The following VASP variants were observed in gnomAD, a reference collection of about 807,000 sequenced individuals.
VASP encodes the protein vasodilator-stimulated phosphoprotein.
In VASP, 27 loss-of-function variants were observed where a neutral mutation model predicts 54.4. That is an observed-to-expected ratio of 0.50 (90% CI 0.37 to 0.68). The LOEUF (loss-of-function observed/expected upper bound fraction) is 0.68. Ranked by LOEUF, VASP falls within the 30% of genes least tolerant of loss-of-function variation. VASP has a pLI of 0.00. For synonymous variants in VASP, 233 were observed against 209.8 expected, an observed-to-expected ratio of 1.11 and a Z score of -0.96; for missense variants, 488 against 528.3, an observed-to-expected ratio of 0.92 and a Z score of 0.75.
chr19:45,517,853 C>A lies in VASP; in HGVS notation c.177+19C>A. 1 of 1,611,420 alleles carries A rather than the reference C, an allele frequency of 6.2e-7. No individual in the cohort carries two copies. The highest frequency in any genetic ancestry group is 8.5e-7 in the Non-Finnish European group (1 of 1,179,226). The stretch of plus-strand genomic sequence containing the variant: ...CCAGCAGGTGCAGCTTCCCGCCGGC[C>A]CCCTCTGTGGGCTGAACCCCTACCC... On this transcript the variant is annotated intron_variant, in intron 2 of 12. Coordinates refer to ENST00000245932, the MANE Select transcript of VASP (RefSeq NM_003370.4).
intron 3 of VASP, among the ~76,000 whole-genome samples, chr19:45,520,727 G>A (rs1309999701): frequency 6.6e-6 from 1 of 152,200 alleles, no homozygotes; most frequent in Non-Finnish European, 1.5e-5. Context: ...ACTTTGGGAG[G>A]CTGAGGCAAG....
chr19:45,516,509 C>T (rs913183146), intron 1 of VASP, among the ~76,000 whole-genome samples: 3 of 152,168 alleles, frequency 2.0e-5, no homozygotes, highest in Non-Finnish European at 2.9e-5. Context: ...CAGGCAGGGG[C>T]TGGTCCCTAG....
rs760840221 is a variant in VASP, at chr19:45,524,595, A to G, written c.982A>G (p.Thr328Ala). ...GATGAAGTCGTCTTCTTCGGTGACC[A>G]CTTCCGAGACCCAACCCTGCACGCC... is the stretch of plus-strand genomic sequence containing the variant. The part of the protein sequence containing the change: ...PRMKSSSSVT[T>A]SETQPCTPSS... The change falls in exon 11 of 13, where the codon ACT becomes GCT. Residue 328 changes from threonine (T) to alanine (A), a missense_variant. Transcript: ENST00000245932. 1.9e-6 allele frequency: 3 copies of G among 1,613,906 alleles called. No individual in the cohort carries two copies. The highest frequency in any genetic ancestry group is 2.7e-5 in the African/African-American group (2 of 74,940).
chr19:45,513,858 CT>C (rs1330234262), intron 1 of VASP, among the ~76,000 whole-genome samples: 1 of 152,168 alleles, frequency 6.6e-6, no homozygotes, highest in East Asian at 1.9e-4. Context: ...GCCACCTCCC[CT>C]GGCCAAAGTT....
chr19:45,521,440 G>T (rs371413292), intron 4 of VASP, 34 bp downstream of exon 4: 6 of 1,487,578 alleles, frequency 4.0e-6, no homozygotes, highest in Non-Finnish European at 5.4e-6. Context: ...AACCTTAGCC[G>T]CTGCCAGAGT....
At position 45,524,880 on chromosome 19, in the gene VASP, G is replaced by A. The variant is rs1159301106; in HGVS notation, c.1047+220G>A. 5 of 465,182 alleles carry A rather than the reference G, an allele frequency of 1.1e-5. No individual in the cohort carries two copies. In the South Asian group the frequency reaches 1.1e-4, roughly 10 times the overall value. 28.8% of individuals were successfully genotyped at this position (465,182 alleles called of 1,614,324 possible). Reference sequence around the variant, plus strand: ...ATCTATCACCGCGCTCATTCCAGATGAGTGCCTTGAATTCTTTCCGCACAT... The same window carrying A: ...ATCTATCACCGCGCTCATTCCAGATAAGTGCCTTGAATTCTTTCCGCACAT... On this transcript the variant is annotated intron_variant, in intron 11 of 12. Coordinates refer to ENST00000245932, the MANE Select transcript of VASP (RefSeq NM_003370.4).
intron 1 of VASP, among the ~76,000 whole-genome samples, chr19:45,508,690 A>G (rs1418748919): frequency 6.6e-6 from 1 of 152,098 alleles, no homozygotes; most frequent in East Asian, 1.9e-4. Context: ...CCGTCCCCCT[A>G]TCCACCCGGA....
Position 45,525,955 on chromosome 19 carries a change from G to T in VASP, c.1057G>T (p.Glu353Ter). 1 of 1,614,006 alleles carries T rather than the reference G, an allele frequency of 6.2e-7. No individual in the cohort carries two copies. Among genetic ancestry groups the T allele is most frequent in the Non-Finnish European group, 8.5e-7 (1 of 1,180,002 alleles). Residue 353 changes from glutamate (E) to a stop codon, truncating the protein, a stop_gained, in exon 12 of 13, where the codon GAA (glutamate) becomes TAA (stop). Coordinates refer to ENST00000245932, the MANE Select transcript of VASP (RefSeq NM_003370.4). LOFTEE classifies it high-confidence loss of function. ...ACCCCATTAATTTTAGGAGCTTCTG[G>T]AAGAGGTGAAGAAGGAATTGCAGAA... ...DLQRVKQELL[E>*]EVKKELQKVK...
At chr19:45,519,612 T>C (rs1471356950) in intron 3 of VASP, among the ~76,000 whole-genome samples, 1 of 149,936 alleles carries the variant, frequency 6.7e-6, no homozygotes. Flanking sequence ...TTTTTTTTTT[T>C]TGGAGACGGA....
At chr19:45,520,093 G>C (rs1014350357) in intron 3 of VASP, among the ~76,000 whole-genome samples, 1 of 151,458 alleles carries the variant, frequency 6.6e-6, no homozygotes, top group Non-Finnish European at 1.5e-5. Flanking sequence ...GTAGAGACGG[G>C]GTTTCGCAGT....
intron 1 of VASP, among the ~76,000 whole-genome samples, chr19:45,508,798 G>A (rs1968542242): frequency 6.6e-6 from 1 of 152,174 alleles, no homozygotes; most frequent in African/African-American, 2.4e-5. Context: ...TATCTTCCCA[G>A]GAATTTAATC....
chr19:45,519,126 T>C (rs2122316818), intron 3 of VASP, among the ~76,000 whole-genome samples: 1 of 152,360 alleles, frequency 6.6e-6, no homozygotes. Context: ...GCGATTCTCC[T>C]GCCCTAGCCT....
At position 45,510,395 on chromosome 19, in the gene VASP, T is replaced by G. The variant is rs563317919; in HGVS notation, c.5+2619T>G. On this transcript the variant is annotated intron_variant, in intron 1 of 12. Transcript: ENST00000245932. ...TGCCTGCCACCATGCCCGGCTAATT[T>G]TTATATTTTTAGTAGAGATAGGGTT... Among the ~76,000 whole-genome samples, 19 of 152,198 alleles carry G rather than the reference T, an allele frequency of 1.2e-4. No homozygotes were observed. The South Asian group carries it at 2.7e-3, about 22-fold the overall frequency.
At chr19:45,517,436 C>T (rs1968727181) in intron 1 of VASP, among the ~76,000 whole-genome samples, 1 of 151,958 alleles carries the variant, frequency 6.6e-6, no homozygotes, top group Admixed American at 6.6e-5. Flanking sequence ...CCCTTTCCCA[C>T]CTCTCTCTGC....
intron 3 of VASP, among the ~76,000 whole-genome samples, chr19:45,520,886 C>T (rs1397934263): frequency 1.3e-5 from 2 of 152,180 alleles, no homozygotes; most frequent in Admixed American, 6.5e-5. Context: ...ATCTCTTGAA[C>T]CCGGGAGGTG....
At chr19:45,524,291 A>G in intron 10 of VASP, 149 bp downstream of exon 10, 1 of 921,596 alleles carries the variant, frequency 1.1e-6, no homozygotes, top group Non-Finnish European at 1.7e-6. Flanking sequence ...GGTCCCAGCT[A>G]CTCAGGAGGC....
At chr19:45,522,142 G>C (rs2301285) in intron 4 of VASP, 26 bp from the exon 5 acceptor site, 76,001 of 1,612,942 alleles carry the variant, frequency 0.047, 3,488 homozygotes, top group East Asian at 0.2. Flanking sequence ...CCTGATTGAC[G>C]GCAGCTCTCT....
At chr19:45,523,189 A>ATTTT (rs1568390471) in intron 7 of VASP, among the ~76,000 whole-genome samples, 2,551 of 106,710 alleles carry the variant, frequency 0.024, 146 homozygotes, top group African/African-American at 0.042. Flanking sequence ...CAATCTCTTG[A>ATTTT]ATTTTTTTTT....
chr19:45,523,673 C>T lies in VASP; in HGVS notation c.851C>T (p.Thr284Ile), dbSNP rs759268813. 14 of 1,614,044 alleles carry T rather than the reference C, an allele frequency of 8.7e-6. No homozygotes were observed. The highest frequency in any genetic ancestry group is 1.7e-4 in the Middle Eastern group (1 of 6,060). ...AAAGCCACGCAAGTTGGGGAGAAAA[C>T]CCCCAAGGATGAATCTGCCAATGTA... is the stretch of plus-strand genomic sequence containing the variant. The part of the protein sequence containing the change: ...RRKATQVGEK[T>I]PKDESANQEE... The change falls in exon 8 of 13, where the codon ACC (threonine) becomes ATC (isoleucine). Residue 284 changes from threonine (T) to isoleucine (I), a missense_variant. Coordinates refer to ENST00000245932, the MANE Select transcript of VASP (RefSeq NM_003370.4).
Sources: gnomAD v4.1 joint callset for allele counts (sites outside exome capture counted in the v4.1 genomes callset) on GRCh38, gnomAD v4.1.1 for gene constraint, MANE v1.5 for transcripts, NCBI Gene and HGNC (gene_info 2026-07-23, HGNC 2026-07-21) for gene names.